NRG1: variants seen among roughly 807,000 people sequenced by gnomAD.
NRG1 encodes pro-neuregulin-1, membrane-bound isoform.
NRG1 carries 18 observed loss-of-function variants against 63.8 expected under a neutral mutation model. That is an observed-to-expected ratio of 0.28 (90% CI 0.19 to 0.42). The LOEUF is 0.42. Ranked by LOEUF, NRG1 falls within the 10% of genes least tolerant of loss-of-function variation. The probability of loss-of-function intolerance (pLI) is 1.00; values close to 1 mark genes in which losing one functional copy is unlikely to be tolerated. For synonymous variants in NRG1, 302 were observed against 301.3 expected (o/e 1.00, Z -0.02); for missense variants, 762 against 814.7 (o/e 0.94, Z 0.79).
At chr8:32,745,566 T>A (rs975726941) in intron 7 of NRG1, among the ~76,000 whole-genome samples, 3 of 152,158 alleles carry the variant, frequency 2.0e-5, no homozygotes, top group Non-Finnish European at 4.4e-5. Flanking sequence ...ATATTTATAG[T>A]ACTTTCTAGG....
intron 1 of NRG1, among the ~76,000 whole-genome samples, chr8:32,155,674 T>C (rs1837983621): frequency 6.6e-6 from 1 of 152,210 alleles, no homozygotes; most frequent in South Asian, 2.1e-4. Context: ...ATGTAAGCTG[T>C]TCTAATTCTT....
chr8:31,664,599 C>T (rs1806334215), intron 1 of NRG1, among the ~76,000 whole-genome samples: 1 of 152,148 alleles, frequency 6.6e-6, no homozygotes, highest in Non-Finnish European at 1.5e-5. Flanking sequence ...ATACCTGAAA[C>T]TTTAATTCCA....
At chr8:32,102,165 TCTCA>T (rs1445207294) in intron 1 of NRG1, among the ~76,000 whole-genome samples, 8 of 152,076 alleles carry the variant, frequency 5.3e-5, no homozygotes, top group Non-Finnish European at 7.4e-5. Context: ...TGAGACAGAG[TCTCA>T]CTCTGTTGCC....
intron 1 of NRG1, among the ~76,000 whole-genome samples, chr8:32,579,455 G>T (rs1440272459): frequency 1.3e-5 from 2 of 152,128 alleles, no homozygotes; most frequent in African/African-American, 4.8e-5. Flanking sequence ...GTTGAGGTCA[G>T]CCTCTGGGAT....
At chr8:32,360,074 A>G (rs78082803) in intron 1 of NRG1, among the ~76,000 whole-genome samples, 8,568 of 152,348 alleles carry the variant, frequency 0.056, 315 homozygotes, top group Middle Eastern at 0.099. Context: ...TCTTCTCTCA[A>G]GAATAAACAT....
chr8:32,548,819 G>A (rs937506701), exon 1 of NRG1: 2 of 1,568,366 alleles, frequency 1.3e-6, no homozygotes, highest in African/African-American at 1.3e-5. Flanking sequence ...CGGGCAGCCA[G>A]AGCCCAGGTG....
intron 5 of NRG1, among the ~76,000 whole-genome samples, chr8:32,667,582 C>A (rs1471422502): frequency 6.6e-6 from 1 of 152,014 alleles, no homozygotes; most frequent in Non-Finnish European, 1.5e-5. Flanking sequence ...ATTAAAAATG[C>A]TTGTAGGGAA....
intron 1 of NRG1, among the ~76,000 whole-genome samples, chr8:32,514,164 G>A (rs1374900482): frequency 6.6e-6 from 1 of 150,378 alleles, no homozygotes; most frequent in Non-Finnish European, 1.5e-5. Context: ...AAGAAAAATT[G>A]TTGTAAACTT....
At chr8:32,406,709 C>T (rs1457810567) in intron 1 of NRG1, among the ~76,000 whole-genome samples, 1 of 151,762 alleles carries the variant, frequency 6.6e-6, no homozygotes, top group African/African-American at 2.4e-5. Context: ...TCTTTCTCTT[C>T]GTCCTTTTTT....
chr8:32,221,988 G>A (rs1845860083), intron 1 of NRG1, among the ~76,000 whole-genome samples: 1 of 151,012 alleles, frequency 6.6e-6, no homozygotes, highest in Non-Finnish European at 1.5e-5. Context: ...CATTCACTAA[G>A]CATTCCTTTC....
chr8:32,624,961 G>C (rs1848962732), intron 5 of NRG1, among the ~76,000 whole-genome samples: 1 of 152,170 alleles, frequency 6.6e-6, no homozygotes. Flanking sequence ...GAAAGAAAAA[G>C]AGCGTGCTTA....
At chr8:31,931,286 A>G (rs1834839930) in intron 1 of NRG1, among the ~76,000 whole-genome samples, 1 of 152,076 alleles carries the variant, frequency 6.6e-6, no homozygotes, top group African/African-American at 2.4e-5. Flanking sequence ...GGATCCCAAA[A>G]TAAATAAATA....
chr8:32,160,558 G>A (rs947186214), intron 1 of NRG1, among the ~76,000 whole-genome samples: 1 of 152,208 alleles, frequency 6.6e-6, no homozygotes, highest in Non-Finnish European at 1.5e-5. Flanking sequence ...TGAAATAAGT[G>A]AACATCTTCA....
intron 3 of NRG1, among the ~76,000 whole-genome samples, chr8:32,611,014 T>C (rs970767883): frequency 1.1e-4 from 17 of 152,158 alleles, no homozygotes; most frequent in African/African-American, 3.9e-4. Flanking sequence ...AATTCTTAGC[T>C]AACAAGCTTT....
chr8:32,152,047 C>T (rs1563844434), intron 1 of NRG1, among the ~76,000 whole-genome samples: 1 of 152,216 alleles, frequency 6.6e-6, no homozygotes, highest in Non-Finnish European at 1.5e-5. Context: ...TAGCTATTCA[C>T]GTTGCATCAC....
At chr8:31,946,762 A>G (rs918818759) in intron 1 of NRG1, among the ~76,000 whole-genome samples, 2 of 152,178 alleles carry the variant, frequency 1.3e-5, no homozygotes. Context: ...CTAAGGACCC[A>G]CTGACCTTCT....
intron 7 of NRG1, chr8:32,743,120 C>T (rs1039158907): frequency 2.0e-6 from 2 of 1,003,580 alleles, no homozygotes; most frequent in African/African-American, 3.5e-5. Context: ...ATGACCACAT[C>T]CTGAAAAGGG....
intron 1 of NRG1, among the ~76,000 whole-genome samples, chr8:32,160,246 A>G (rs924944412): frequency 2.0e-5 from 3 of 152,230 alleles, no homozygotes; most frequent in African/African-American, 7.2e-5. Flanking sequence ...AGTGAGGGAA[A>G]ATACAAAGAG....
chr8:32,344,265 G>A (rs932579363), intron 1 of NRG1, among the ~76,000 whole-genome samples: 3 of 151,100 alleles, frequency 2.0e-5, no homozygotes, highest in South Asian at 4.2e-4. Context: ...GGTCAACTCA[G>A]TTCCATGCAC....
Sources: gnomAD v4.1 joint callset for allele counts (sites outside exome capture counted in the v4.1 genomes callset) on GRCh38, gnomAD v4.1.1 for gene constraint, MANE v1.5 for transcripts, NCBI Gene and HGNC (gene_info 2026-07-23, HGNC 2026-07-21) for gene names.